The following RAB21 variants were observed in gnomAD, a reference collection of about 807,000 sequenced individuals.
The protein encoded by RAB21 is ras-related protein Rab-21.
RAB21 carries 13 observed loss-of-function variants against 33.1 expected under a neutral mutation model. The ratio of observed to expected loss-of-function variants is 0.39; its 90% confidence interval spans 0.26 to 0.62. The LOEUF (loss-of-function observed/expected upper bound fraction) is 0.62. RAB21 is among the 20% of genes least tolerant of loss of function. RAB21 has a pLI of 0.48. For missense variants in RAB21, 234 were observed against 279.1 expected, an observed-to-expected ratio of 0.84 and a Z score of 1.15; for synonymous variants, 91 against 103.7, an observed-to-expected ratio of 0.88 and a Z score of 0.74.
At chr12:71,769,699 C>T (rs951987620) in intron 1 of RAB21, 101 bp from the exon 2 acceptor site, 1 of 516,444 alleles carries the variant, frequency 1.9e-6, no homozygotes, top group African/African-American at 2.0e-5. Context: ...CTTTTTCTCC[C>T]AGATAACTTT....
rs1882763313 is a variant in RAB21, at chr12:71,755,147, CGGCGGCGGCGG to C, written c.30_40del (p.Ala11GlyfsTer31). 2.3e-6 allele frequency: 3 copies of C among 1,281,030 alleles called. No homozygotes were observed. Among genetic ancestry groups the C allele is most frequent in the Non-Finnish European group, 3.0e-6 (3 of 1,013,782 alleles). 79.4% of individuals were successfully genotyped at this position (1,281,030 alleles called of 1,614,324 possible). ...GCGACGGGATGGCTGCGGCCGGCGG[CGGCGGCGGCGG>C]GGCGGCGGCGGCGGGCCGAGCCTAC... On this transcript the variant is annotated frameshift_variant, in exon 1 of 7. Transcript: ENST00000261263. LOFTEE classifies it high-confidence loss of function.
At chr12:71,769,473 T>A (rs1052070220) in intron 1 of RAB21, among the ~76,000 whole-genome samples, 1 of 152,064 alleles carries the variant, frequency 6.6e-6, no homozygotes, top group Non-Finnish European at 1.5e-5. Context: ...TCTCTTAGAC[T>A]CTTTCTTTCT....
Position 71,755,053 on chromosome 12 carries a change from C to T in RAB21, c.-77C>T, listed in dbSNP as rs1442814324. The stretch of plus-strand genomic sequence containing the variant: ...CCGGGGCGGTGGGGGCTGAGCCGGC[C>T]GTGGCTGTGAAGGCGCTGCCGCGGC... On this transcript the variant is annotated 5_prime_UTR_variant, in exon 1 of 7. Coordinates refer to ENST00000261263, the MANE Select transcript of RAB21 (RefSeq NM_014999.4). 2 of 1,017,362 alleles carry T rather than the reference C, an allele frequency of 2.0e-6. No homozygotes were observed. The highest frequency in any genetic ancestry group is 2.3e-6 in the Non-Finnish European group (2 of 851,906). 63.0% of individuals were successfully genotyped at this position (1,017,362 alleles called of 1,614,324 possible). A position where few individuals can be genotyped will look rare whatever the true frequency, so the allele number is the denominator to read the frequency against.
chr12:71,755,140 C>T lies in RAB21; in HGVS notation c.11C>T (p.Ala4Val). The T allele has an allele frequency of 2.4e-6, 3 of 1,255,430 alleles. No homozygotes were observed. The highest frequency in any genetic ancestry group is 1.0e-6 in the Non-Finnish European group (1 of 999,994). The allele number at this position is 1,255,430 out of a possible 1,614,324, so 77.8% of individuals were successfully genotyped here. ...CCGGGAAGCGACGGGATGGCTGCGGCCGGCGGCGGCGGCGGCGGGGCGGCG... is the reference window on the plus strand; with the variant it reads ...CCGGGAAGCGACGGGATGGCTGCGGTCGGCGGCGGCGGCGGCGGGGCGGCG... MAA[A>V]GGGGGGAAAA... Residue 4 changes from alanine (A) to valine (V), a missense_variant, in exon 1 of 7, where the codon GCC becomes GTC. Ala to Val is a moderately conservative substitution (Grantham distance 64). Coordinates refer to ENST00000261263, the MANE Select transcript of RAB21 (RefSeq NM_014999.4).
At chr12:71,761,130 C>G (rs978114041) in intron 1 of RAB21, among the ~76,000 whole-genome samples, 8 of 151,516 alleles carry the variant, frequency 5.3e-5, no homozygotes, top group Non-Finnish European at 1.2e-4. Context: ...TCACTTGAGC[C>G]TAAGAGATTG....
rs796196869 is a variant in RAB21, at chr12:71,790,478, G to C, written c.*4805G>C. On this transcript the variant is annotated 3_prime_UTR_variant, in exon 7 of 7. Coordinates refer to ENST00000261263, the MANE Select transcript of RAB21 (RefSeq NM_014999.4). ...TGGTATCTGCTAAACTCTAGCTTTA[G>C]TAGCAAGCTATTTTAAGGAAATCAT... The C allele has an allele frequency of 2.0e-5, 3 of 152,128 alleles. No individual in the cohort carries two copies. Among genetic ancestry groups the C allele is most frequent in the African/African-American group, 7.2e-5 (3 of 41,428 alleles). 9.4% of individuals were successfully genotyped at this position (152,128 alleles called of 1,614,324 possible). A position where few individuals can be genotyped will look rare whatever the true frequency, so the allele number is the denominator to read the frequency against.
intron 6 of RAB21, among the ~76,000 whole-genome samples, chr12:71,784,305 A>T (rs1432467290): frequency 6.6e-6 from 1 of 152,090 alleles, no homozygotes; most frequent in African/African-American, 2.4e-5. Flanking sequence ...AGTTTCAGTG[A>T]GGTCCAGTTT....
intron 3 of RAB21, among the ~76,000 whole-genome samples, chr12:71,772,899 A>G (rs1285693469): frequency 6.6e-6 from 1 of 152,214 alleles, no homozygotes; most frequent in Admixed American, 6.5e-5. Context: ...GGGTTGCCAA[A>G]GATAGTTCCT....
Position 71,792,864 on chromosome 12 carries a change from G to A in RAB21, c.*7191G>A, listed in dbSNP as rs904295404. Reference sequence around the variant, plus strand: ...GATATAAGGTCACCTGTGCACACATGTTCACATTCTGTGTTTGATCAGATA... The same window carrying A: ...GATATAAGGTCACCTGTGCACACATATTCACATTCTGTGTTTGATCAGATA... On this transcript the variant is annotated 3_prime_UTR_variant, in exon 7 of 7. Coordinates refer to ENST00000261263, the MANE Select transcript of RAB21 (RefSeq NM_014999.4). The A allele has an allele frequency of 6.6e-6, 1 of 152,288 alleles. No homozygotes were observed. Among genetic ancestry groups the A allele is most frequent in the African/African-American group, 2.4e-5 (1 of 41,570 alleles). 9.4% of individuals were successfully genotyped at this position (152,288 alleles called of 1,614,324 possible).
intron 2 of RAB21, 22 bp from the exon 3 acceptor site, chr12:71,770,570 A>G (rs780757349): frequency 2.1e-6 from 3 of 1,459,398 alleles, no homozygotes; most frequent in African/African-American, 1.4e-5. Context: ...CTGATCTAAT[A>G]AGCATTTGTT....
intron 5 of RAB21, 47 bp downstream of exon 5, chr12:71,782,132 C>T (rs964035150): frequency 1.3e-5 from 19 of 1,518,284 alleles, no homozygotes; most frequent in Non-Finnish European, 1.5e-5. Flanking sequence ...TAGTAGAAAT[C>T]TTCCTCTTTA....
intron 1 of RAB21, among the ~76,000 whole-genome samples, chr12:71,765,815 A>G (rs373479478): frequency 3.9e-5 from 6 of 152,074 alleles, no homozygotes; most frequent in Admixed American, 6.5e-5. Flanking sequence ...CTACGTGCCT[A>G]TTTTTATACC....
At chr12:71,761,143 G>T (rs1398401824) in intron 1 of RAB21, among the ~76,000 whole-genome samples, 1 of 151,896 alleles carries the variant, frequency 6.6e-6, no homozygotes, top group Non-Finnish European at 1.5e-5. Context: ...AGAGATTGAG[G>T]CTGCAGTGAG....
At position 71,794,717 on chromosome 12, in the gene RAB21, C is replaced by A. The variant is rs2956462; in HGVS notation, c.*9044C>A. 0.28 allele frequency: 41,279 copies of A among 145,038 alleles called. 8,035 individuals are homozygous for A. Among genetic ancestry groups the A allele is most frequent in the African/African-American group, 0.52 (20,606 of 39,876 alleles). The allele number at this position is 145,038 out of a possible 1,614,324, so 9.0% of individuals were successfully genotyped here. A position where few individuals can be genotyped will look rare whatever the true frequency, so the allele number is the denominator to read the frequency against. On this transcript the variant is annotated 3_prime_UTR_variant, in exon 7 of 7. Coordinates refer to ENST00000261263, the MANE Select transcript of RAB21 (RefSeq NM_014999.4). ...CCTCCCAAAGTGCTGGGATTACAAGCGTGAGCCACCGAGCCCAGCTATATT... is the reference window on the plus strand; with the variant it reads ...CCTCCCAAAGTGCTGGGATTACAAGAGTGAGCCACCGAGCCCAGCTATATT...
intron 3 of RAB21, among the ~76,000 whole-genome samples, chr12:71,771,188 T>G (rs572034235): frequency 2.0e-5 from 3 of 152,342 alleles, no homozygotes; most frequent in Admixed American, 2.0e-4. Context: ...AAGGACAGTC[T>G]TAAAGTTATC....
chr12:71,777,656 C>G (rs562905699), intron 4 of RAB21, among the ~76,000 whole-genome samples: 8 of 152,170 alleles, frequency 5.3e-5, no homozygotes, highest in African/African-American at 1.9e-4. Flanking sequence ...CATAAGATAA[C>G]CTTTCAAGCA....
intron 1 of RAB21, 30 bp from the exon 2 acceptor site, chr12:71,769,770 A>T: frequency 8.6e-7 from 1 of 1,158,778 alleles, no homozygotes; most frequent in South Asian, 1.9e-5. Context: ...TTTATAAGAA[A>T]CATTGTTTAA....
At chr12:71,783,535 T>G (rs1883234112) in intron 6 of RAB21, among the ~76,000 whole-genome samples, 1 of 151,982 alleles carries the variant, frequency 6.6e-6, no homozygotes, top group South Asian at 2.1e-4. Context: ...TCTAAAATAT[T>G]GATTATGTAA....
chr12:71,771,780 C>T (rs1266077764), intron 3 of RAB21, among the ~76,000 whole-genome samples: 2 of 151,958 alleles, frequency 1.3e-5, no homozygotes, highest in Non-Finnish European at 2.9e-5. Flanking sequence ...TAGAGACCAG[C>T]CCAGCCAACA....
Sources: gnomAD v4.1 joint callset for allele counts (sites outside exome capture counted in the v4.1 genomes callset) on GRCh38, gnomAD v4.1.1 for gene constraint, MANE v1.5 for transcripts, NCBI Gene and HGNC (gene_info 2026-07-23, HGNC 2026-07-21) for gene names.